ZDHHC6: variants seen among roughly 807,000 people sequenced by gnomAD.
The protein encoded by ZDHHC6 is zDHHC palmitoyltransferase 6.
ZDHHC6 carries 32 observed loss-of-function variants against 57.8 expected under a neutral mutation model. That is an observed-to-expected ratio of 0.55 (90% CI 0.42 to 0.74). The LOEUF (loss-of-function observed/expected upper bound fraction) is 0.74. Ranked by LOEUF, ZDHHC6 falls within the 30% of genes least tolerant of loss-of-function variation. ZDHHC6 has a pLI of 0.00. For synonymous variants in ZDHHC6, 128 were observed against 158.0 expected (o/e 0.81, Z 1.42); for missense variants, 433 against 500.7 (o/e 0.86, Z 1.29).
intron 5 of ZDHHC6, among the ~76,000 whole-genome samples, chr10:112,439,872 T>A (rs551729500): frequency 6.6e-6 from 1 of 152,058 alleles, no homozygotes. Context: ...TTCATCAGAG[T>A]AGGCTTTAAA....
chr10:112,427,508 T>C, downstream of ZDHHC6: 1 of 629,018 alleles, frequency 1.6e-6, no homozygotes, highest in Non-Finnish European at 2.5e-6. Context: ...TATTGAGACA[T>C]ATAATGTGTA....
In ZDHHC6 at chr10:112,433,240, A is replaced by G; in HGVS notation, c.945T>C (p.Ser315=). The G allele has an allele frequency of 6.3e-7, 1 of 1,586,560 alleles. No homozygotes were observed. The highest frequency in any genetic ancestry group is 8.5e-7 in the Non-Finnish European group (1 of 1,169,702). Residue 315 remains serine (S), a splice_region_variant and synonymous_variant, in exon 8 of 11, where the codon AGT becomes AGC. Coordinates refer to ENST00000369405, the MANE Select transcript of ZDHHC6 (RefSeq NM_022494.3). ...LKQKADKRVR[S]VRYKVIEDYS... ...TTACCACTGCAAAAGAAGTACTTAC[A>G]CTTCTGACTCTCTTATCTGCTTTTT...
rs770461775 is a variant in ZDHHC6, at chr10:112,434,292, C to T, written c.903+5G>A. On this transcript the variant is annotated splice_donor_5th_base_variant and intron_variant, in intron 7 of 10. Transcript: ENST00000369405. ...AGGAAGGGCTATTTGAACAAAAATA[C>T]TCACTGTTAAGCTGTATTGGTGACA... The T allele has an allele frequency of 6.4e-7, 1 of 1,558,896 alleles. No homozygotes were observed. The highest frequency in any genetic ancestry group is 8.7e-7 in the Non-Finnish European group (1 of 1,151,692).
At chr10:112,440,748 C>A (rs1346069169) in intron 4 of ZDHHC6, 53 bp from the exon 5 acceptor site, 4 of 1,557,078 alleles carry the variant, frequency 2.6e-6, no homozygotes, top group African/African-American at 2.7e-5. Context: ...GGTAACTGGT[C>A]AGACTCTACT....
At position 112,434,325 on chromosome 10, in the gene ZDHHC6, C is replaced by T. The variant is rs1305299155; in HGVS notation, c.875G>A (p.Arg292Lys). ...PEGDGLEWPV[R>K]EGCHQYSLTI... ...TAAGCTGTATTGGTGACAGCCTTCT[C>T]TTACTGGCCACTCAAGTCCATCTCC... The change falls in exon 7 of 11, where the codon AGA becomes AAA. Residue 292 changes from arginine to lysine, a missense_variant. Physicochemically the swap from Arg to Lys is conservative, Grantham distance 26. Coordinates refer to ENST00000369405, the MANE Select transcript of ZDHHC6 (RefSeq NM_022494.3). 2 of 1,613,054 alleles carry T rather than the reference C, an allele frequency of 1.2e-6. No individual in the cohort carries two copies. Among genetic ancestry groups the T allele is most frequent in the African/African-American group, 1.3e-5 (1 of 74,868 alleles).
chr10:112,427,464 C>T (rs899240142), downstream of ZDHHC6: 25 of 1,099,774 alleles, frequency 2.3e-5, no homozygotes, highest in South Asian at 1.3e-4. Context: ...TTTTTTTTAA[C>T]CTGTTAAACT....
downstream of ZDHHC6, chr10:112,426,958 AT>A: frequency 1.7e-6 from 2 of 1,143,480 alleles, no homozygotes; most frequent in Non-Finnish European, 1.3e-6. Flanking sequence ...TAAGGAATTG[AT>A]TTTAGATTTT....
chr10:112,426,173 A>G (rs1254075737), downstream of ZDHHC6: 6 of 1,045,780 alleles, frequency 5.7e-6, no homozygotes, highest in African/African-American at 9.5e-5. Context: ...TATTACAATG[A>G]CATAATTCTG....
intron 7 of ZDHHC6, 108 bp downstream of exon 7, chr10:112,434,189 A>G (rs1374820573): frequency 9.0e-7 from 1 of 1,116,680 alleles, no homozygotes; most frequent in Admixed American, 3.0e-5. Flanking sequence ...GACATAGTGA[A>G]AACATTCATA....
intron 8 of ZDHHC6, 126 bp from the exon 9 acceptor site, chr10:112,432,647 G>A: frequency 8.3e-7 from 1 of 1,201,122 alleles, no homozygotes; most frequent in Non-Finnish European, 1.1e-6. Context: ...TCCCCTTCTA[G>A]GGGAACCTCC....
chr10:112,429,249 T>A (rs1452679877), downstream of ZDHHC6, among the ~76,000 whole-genome samples: 1 of 152,208 alleles, frequency 6.6e-6, no homozygotes, highest in Non-Finnish European at 1.5e-5. Context: ...CGCCTTCACT[T>A]CCTTTCCTAT....
downstream of ZDHHC6, chr10:112,428,567 C>T (rs921523637): frequency 3.1e-5 from 12 of 387,806 alleles, no homozygotes; most frequent in African/African-American, 1.0e-4. Flanking sequence ...GTCAGGAGAC[C>T]GAGAACATCC....
chr10:112,445,556 G>A lies in ZDHHC6; in HGVS notation c.-120C>T. On this transcript the variant is annotated 5_prime_UTR_variant, in exon 2 of 11. Transcript: ENST00000369405. ...TTTAATTGTCATGCCTTCAAGCTGT[G>A]AACTGTTAACGCAGATTACACCATT... 1 of 1,195,706 alleles carries A rather than the reference G, an allele frequency of 8.4e-7. No homozygotes were observed. Among genetic ancestry groups the A allele is most frequent in the Non-Finnish European group, 1.2e-6 (1 of 867,312 alleles). The allele number at this position is 1,195,706 out of a possible 1,614,324, so 74.1% of individuals were successfully genotyped here.
rs1419981894 is a variant in ZDHHC6 at position 112,436,370 on chromosome 10, G to A, written c.736-1906C>T. On this transcript the variant is annotated intron_variant, in intron 6 of 10. Coordinates refer to ENST00000369405, the MANE Select transcript of ZDHHC6 (RefSeq NM_022494.3). ...TACACCTTGTAATCCCAGCTACTTGGGAGGCTAAGGCAGGAGAATCACTTG... is the reference window on the plus strand; with the variant it reads ...TACACCTTGTAATCCCAGCTACTTGAGAGGCTAAGGCAGGAGAATCACTTG... 3.9e-5 allele frequency among the ~76,000 whole-genome samples: 6 copies of A among 152,160 alleles called. No individual in the cohort carries two copies. In the East Asian group the frequency reaches 1.2e-3, roughly 29 times the overall value.
At chr10:112,444,167 T>C (rs1846417542) in intron 2 of ZDHHC6, among the ~76,000 whole-genome samples, 1 of 152,336 alleles carries the variant, frequency 6.6e-6, no homozygotes. Flanking sequence ...CAATTTCTCA[T>C]GTATTTAAGA....
Position 112,430,979 on chromosome 10 carries a change from C to G in ZDHHC6, c.1139-72G>C, listed in dbSNP as rs1589715487. 1.8e-5 allele frequency: 22 copies of G among 1,236,720 alleles called. No individual in the cohort carries two copies. In the East Asian group the frequency reaches 5.2e-4, roughly 29 times the overall value. 76.6% of individuals were successfully genotyped at this position (1,236,720 alleles called of 1,614,324 possible). A position where few individuals can be genotyped will look rare whatever the true frequency, so the allele number is the denominator to read the frequency against. On this transcript the variant is annotated intron_variant, in intron 10 of 10. Transcript: ENST00000369405. Reference sequence around the variant, plus strand: ...GTGACATTACTGAAAGCAGTAAGTCCTATTACTTCAAATTAATAAGCTTGT... The same window carrying G: ...GTGACATTACTGAAAGCAGTAAGTCGTATTACTTCAAATTAATAAGCTTGT...
intron 6 of ZDHHC6, among the ~76,000 whole-genome samples, chr10:112,435,965 T>C (rs1257303086): frequency 6.6e-6 from 1 of 152,122 alleles, no homozygotes; most frequent in African/African-American, 2.4e-5. Context: ...CTTAGCCAAG[T>C]CTAGGGAGTA....
At chr10:112,426,966 T>G (rs1844749350), downstream of ZDHHC6, 1 of 1,088,820 alleles carries the variant, frequency 9.2e-7, no homozygotes, top group African/African-American at 1.6e-5. Flanking sequence ...TGATTTTAGA[T>G]TTTGTGCCAT....
At chr10:112,447,029 TTCCC>T, upstream of ZDHHC6, 1 of 285,704 alleles carries the variant, frequency 3.5e-6, no homozygotes, top group South Asian at 6.6e-5. Context: ...CCGGAGCCGA[TTCCC>T]AGAACACGAA....
Sources: gnomAD v4.1 joint callset for allele counts (sites outside exome capture counted in the v4.1 genomes callset) on GRCh38, gnomAD v4.1.1 for gene constraint, MANE v1.5 for transcripts, NCBI Gene and HGNC (gene_info 2026-07-23, HGNC 2026-07-21) for gene names.